MCF2L: variants seen among roughly 807,000 people sequenced by gnomAD.
MCF2L encodes the protein guanine nucleotide exchange factor DBS.
MCF2L carries 97 observed loss-of-function variants against 153.4 expected under a neutral mutation model. The ratio of observed to expected loss-of-function variants is 0.63; its 90% CI spans 0.54 to 0.75. The LOEUF (loss-of-function observed/expected upper bound fraction) is 0.75, where lower values mean the gene tolerates loss of function less well. MCF2L is among the 30% of genes least tolerant of loss of function. The probability of loss-of-function intolerance (pLI) is 0.00; values close to 1 mark genes in which losing one functional copy is unlikely to be tolerated. For missense variants in MCF2L, 1,347 were observed against 1,495.2 expected (o/e 0.90, Z 1.64); for synonymous variants, 659 against 632.2 (o/e 1.04, Z -0.64).
At chr13:113,087,554 T>A in intron 22 of MCF2L, 98 bp downstream of exon 22, 1 of 1,152,904 alleles carries the variant, frequency 8.7e-7, no homozygotes, top group Non-Finnish European at 1.2e-6. Context: ...GACACCCAGC[T>A]CTCAGCCTTA....
At position 112,960,320 on chromosome 13, in the gene MCF2L, G is replaced by T. The variant is rs970542353; in HGVS notation, c.170-54443G>T. Among the ~76,000 whole-genome samples the T allele has an allele frequency of 6.6e-6, 1 of 152,152 alleles. No individual in the cohort carries two copies. Among genetic ancestry groups the T allele is most frequent in the East Asian group, 1.9e-4 (1 of 5,188 alleles). ...AGCGCGCTCTCACAACTGAAACAGC[G>T]CTCGTCCAGTCATGAGGGCAGGGTC... On this transcript the variant is annotated intron_variant, in intron 2 of 29. Transcript: ENST00000375608. The surrounding 1 kb of genome is among the most constrained non-coding windows in gnomAD (Gnocchi z 4.2).
Position 113,044,512 on chromosome 13 carries a change from C to T in MCF2L, c.279-759C>T. On this transcript the variant is annotated intron_variant, in intron 3 of 29. Coordinates refer to ENST00000535094, the MANE Select transcript of MCF2L (RefSeq NM_001112732.3). ...TTCAGAGACTTGGAAGTTAGCGATT[C>T]TAGCCCCTGCCTTAGGCATGCCCGT... The T allele has an allele frequency of 4.3e-6, 4 of 931,650 alleles. No individual in the cohort carries two copies. The South Asian group carries it at 6.3e-5, about 15-fold the overall frequency. The allele number at this position is 931,650 out of a possible 1,614,324, so 57.7% of individuals were successfully genotyped here. A position where few individuals can be genotyped will look rare whatever the true frequency, so the allele number is the denominator to read the frequency against.
At chr13:112,895,494 GA>G (rs1374736931) in intron 1 of MCF2L, among the ~76,000 whole-genome samples, 1 of 152,100 alleles carries the variant, frequency 6.6e-6, no homozygotes, top group African/African-American at 2.4e-5. Context: ...GTGGGTGCTG[GA>G]TGCTGGGACT....
chr13:113,072,625 G>T (rs1373086308), intron 9 of MCF2L, among the ~76,000 whole-genome samples: 1 of 152,176 alleles, frequency 6.6e-6, no homozygotes, highest in African/African-American at 2.4e-5. Flanking sequence ...TGCTTTTCAA[G>T]GCAATGTGTA....
chr13:112,899,280 G>T (rs923653493), intron 1 of MCF2L, among the ~76,000 whole-genome samples: 3 of 152,224 alleles, frequency 2.0e-5, no homozygotes, highest in Non-Finnish European at 4.4e-5. Flanking sequence ...AGCCCAGGGG[G>T]CCTGGCTCTC....
intron 1 of MCF2L, among the ~76,000 whole-genome samples, chr13:112,899,466 G>T (rs1186435242): frequency 6.6e-6 from 1 of 152,226 alleles, no homozygotes; most frequent in African/African-American, 2.4e-5. Flanking sequence ...TCCTCTCGGG[G>T]CGGGAAAGTC....
chr13:113,075,217 C>G (rs768085542), intron 11 of MCF2L, 28 bp downstream of exon 11: 42 of 1,545,848 alleles, frequency 2.7e-5, no homozygotes, highest in Non-Finnish European at 3.5e-5. Flanking sequence ...CCACCCCACT[C>G]CCCCCCAGCT....
chr13:112,954,072 G>T (rs1395341120), intron 2 of MCF2L, among the ~76,000 whole-genome samples: 2 of 152,212 alleles, frequency 1.3e-5, no homozygotes, highest in African/African-American at 4.8e-5. Flanking sequence ...GCCTGATGTT[G>T]CGAAGTGAGG....
chr13:113,090,209 T>C, intron 26 of MCF2L: 1 of 1,479,126 alleles, frequency 6.8e-7, no homozygotes, highest in Non-Finnish European at 9.1e-7. Flanking sequence ...GTGGCGTCTG[T>C]CATGCATCGT....
rs754386722 is a variant in MCF2L at position 113,065,074 on chromosome 13, G to T, written c.745G>T (p.Asp249Tyr). 6.3e-7 allele frequency: 1 copy of T among 1,595,194 alleles called. No homozygotes were observed. Among genetic ancestry groups the T allele is most frequent in the South Asian group, 1.1e-5 (1 of 90,750 alleles). Residue 249 changes from aspartate to tyrosine, a missense_variant, in exon 7 of 30, where the codon GAC (aspartate) becomes TAC (tyrosine). Coordinates refer to ENST00000535094, the MANE Select transcript of MCF2L (RefSeq NM_001112732.3). ...SVLCAHTEKK[D>Y]KAKEDLRLAL... ...GCTGTGTGCGCACACAGAGAAGAAG[G>T]ACAAGGCGAAGGTACATGGGGGGTG...
intron 2 of MCF2L, among the ~76,000 whole-genome samples, chr13:112,905,212 C>G (rs190259876): frequency 1.3e-5 from 2 of 152,138 alleles, no homozygotes; most frequent in Non-Finnish European, 2.9e-5. Flanking sequence ...AAGAGCACAC[C>G]GAACAAAGGA....
At chr13:112,913,600 T>C (rs4907562) in intron 2 of MCF2L, among the ~76,000 whole-genome samples, 118,902 of 152,058 alleles carry the variant, frequency 0.78, 46,895 homozygotes, top group Admixed American at 0.84. Flanking sequence ...ATATGCGTTG[T>C]CTTTTCCTCC....
chr13:112,925,993 T>C (rs1481911255), intron 2 of MCF2L, among the ~76,000 whole-genome samples: 1 of 152,062 alleles, frequency 6.6e-6, no homozygotes, highest in Non-Finnish European at 1.5e-5. Context: ...TTTTTATCCC[T>C]ATAGAAAAAA....
intron 1 of MCF2L, among the ~76,000 whole-genome samples, chr13:113,005,944 C>G (rs1054067897): frequency 6.6e-6 from 1 of 152,206 alleles, no homozygotes; most frequent in Non-Finnish European, 1.5e-5. Context: ...TTCACAACAC[C>G]CTGCACAGTG....
rs1006277356 is a variant in MCF2L, at chr13:113,046,472, C to T, written c.369+1111C>T. On this transcript the variant is annotated intron_variant, in intron 4 of 29. Transcript: ENST00000535094. This position sits in a 1 kb window ranked among gnomAD's most constrained non-coding sequence, Gnocchi z 4.4. ...TTCTCCTGGCCTTTCCTGGGTCCCG[C>T]GTTCAGACTACCTTTGGGTTCCCCA... 2 of 506,670 alleles carry T rather than the reference C, an allele frequency of 3.9e-6. No individual in the cohort carries two copies. The highest frequency in any genetic ancestry group is 8.0e-6 in the Non-Finnish European group (2 of 249,260). The allele number at this position is 506,670 out of a possible 1,614,324, so 31.4% of individuals were successfully genotyped here.
Position 113,088,338 on chromosome 13 carries a change from T to C in MCF2L, c.2700T>C (p.Pro900=), listed in dbSNP as rs533082913. Reference sequence around the variant, plus strand: ...TTTTGGGGAAACAGGCGCCAACTCCTGAGATTAAAGCCGCGTGGGTGAATG... The same window carrying C: ...TTTTGGGGAAACAGGCGCCAACTCCCGAGATTAAAGCCGCGTGGGTGAATG... The part of the protein sequence containing the change: ...EEVYIVQAPT[P]EIKAAWVNEI... The change falls in exon 24 of 30, where the codon CCT becomes CCC. Residue 900 remains proline (P), a synonymous_variant. Transcript: ENST00000535094. 5 of 1,584,032 alleles carry C rather than the reference T, an allele frequency of 3.2e-6. No homozygotes were observed. The African/African-American group carries it at 5.4e-5, about 17-fold the overall frequency.
Position 112,969,365 on chromosome 13 carries a change from T to G in MCF2L, c.-15T>G, listed in dbSNP as rs1336945350. ...GGAAGCGGATCTGCCAGGATCATTT[T>G]TGTTGTGTCGGAGGATGAGGTTTTG... On this transcript the variant is annotated 5_prime_UTR_variant, in exon 1 of 30. Transcript: ENST00000535094. The surrounding 1 kb of genome is among the most constrained non-coding windows in gnomAD (Gnocchi z 4.8). The G allele has an allele frequency of 6.5e-7, 1 of 1,549,566 alleles. No homozygotes were observed. Among genetic ancestry groups the G allele is most frequent in the African/African-American group, 1.4e-5 (1 of 73,010 alleles).
Position 113,077,036 on chromosome 13 carries a change from G to A in MCF2L, c.1501-16G>A. On this transcript the variant is annotated splice_polypyrimidine_tract_variant and intron_variant, in intron 12 of 29. Transcript: ENST00000535094. Reference sequence around the variant, plus strand: ...ACCAACATGTGCAAGGCACCTTACTGAGCATGCGGTTTCAGGAGCACGTGC... The same window carrying A: ...ACCAACATGTGCAAGGCACCTTACTAAGCATGCGGTTTCAGGAGCACGTGC... The A allele has an allele frequency of 6.2e-7, 1 of 1,604,782 alleles. No individual in the cohort carries two copies. Among genetic ancestry groups the A allele is most frequent in the Non-Finnish European group, 8.5e-7 (1 of 1,174,398 alleles).
chr13:112,941,073 A>G lies in MCF2L; in HGVS notation c.169+38702A>G, dbSNP rs2081570695. On this transcript the variant is annotated intron_variant, in intron 2 of 29. Coordinates refer to the MCF2L transcript ENST00000375608. This position sits in a 1 kb window ranked among gnomAD's most constrained non-coding sequence, Gnocchi z 4.9. ...CAGCCCCGCTGCATCTGGCACCACC[A>G]TAGGGAGCATATTTTTACCATCTTT... Among the ~76,000 whole-genome samples, 1 of 152,216 alleles carries G rather than the reference A, an allele frequency of 6.6e-6. No homozygotes were observed. Among genetic ancestry groups the G allele is most frequent in the African/African-American group, 2.4e-5 (1 of 41,460 alleles).
Sources: gnomAD v4.1 joint callset for allele counts (sites outside exome capture counted in the v4.1 genomes callset) on GRCh38, gnomAD v4.1.1 for gene constraint, Gnocchi (gnomAD v3.1) non-coding constraint, MANE v1.5 for transcripts, NCBI Gene and HGNC (gene_info 2026-07-23, HGNC 2026-07-21) for gene names.